The following GABRA3 variants were observed in gnomAD, a reference collection of about 807,000 sequenced individuals.
The protein encoded by GABRA3 is gamma-aminobutyric acid receptor subunit alpha-3.
GABRA3 carries 10 observed loss-of-function variants against 30.1 expected under a neutral mutation model. The observed-to-expected ratio is 0.33, with a 90% CI of 0.20 to 0.56. The LOEUF (loss-of-function observed/expected upper bound fraction) is 0.56. Ranked by LOEUF, GABRA3 falls within the 20% of genes least tolerant of loss-of-function variation. GABRA3 has a pLI of 0.89. For missense variants in GABRA3, 233 were observed against 392.0 expected, an observed-to-expected ratio of 0.59 and a Z score of 3.42; for synonymous variants, 151 against 146.8, an observed-to-expected ratio of 1.03 and a Z score of -0.21.
At chrX:152,272,534 G>A (rs5970252) in intron 4 of GABRA3, among the ~76,000 whole-genome samples, 9,232 of 111,630 alleles carry the variant, frequency 0.083, 822 homozygotes, top group African/African-American at 0.26. Context: ...TGTCTCAGAT[G>A]AGACTCTGGA....
chrX:152,195,105 T>C (rs1322119277), intron 8 of GABRA3, among the ~76,000 whole-genome samples: 1 of 112,094 alleles, frequency 8.9e-6, no homozygotes, highest in Non-Finnish European at 1.9e-5. Context: ...CTATTCTTGC[T>C]TTTTTTCTTA....
chrX:152,364,298 C>T (rs1928592907), intron 2 of GABRA3, 133 bp downstream of exon 2: 4 of 572,175 alleles, frequency 7.0e-6, no homozygotes, highest in Non-Finnish European at 2.7e-6. Context: ...TGACTTTTTT[C>T]TAAATATAAT....
At chrX:152,326,645 A>G (rs1046398148) in intron 3 of GABRA3, among the ~76,000 whole-genome samples, 2 of 111,507 alleles carry the variant, frequency 1.8e-5, no homozygotes, top group Admixed American at 1.9e-4. Flanking sequence ...TTTACAGACA[A>G]GCAAATGCTG....
intron 4 of GABRA3, among the ~76,000 whole-genome samples, chrX:152,274,969 T>C (rs1336278078): frequency 9.7e-6 from 1 of 103,220 alleles, no homozygotes; most frequent in Admixed American, 1.2e-4. Flanking sequence ...TATGGGTACA[T>C]GGAGCCCAAT....
At chrX:152,241,865 G>A (rs1603223698) in intron 5 of GABRA3, among the ~76,000 whole-genome samples, 1 of 111,591 alleles carries the variant, frequency 9.0e-6, no homozygotes, top group East Asian at 2.9e-4. Context: ...GCTTGGGCTC[G>A]CACACGGTGC....
At chrX:152,344,634 T>C (rs146521076) in intron 3 of GABRA3, among the ~76,000 whole-genome samples, 105 of 112,031 alleles carry the variant, frequency 9.4e-4, no homozygotes, top group African/African-American at 3.3e-3. Flanking sequence ...AGCAACCTGG[T>C]AAACATCTAC....
intron 9 of GABRA3, among the ~76,000 whole-genome samples, chrX:152,179,182 A>G (rs148478145): frequency 0.019 from 2,086 of 111,759 alleles, 54 homozygotes; most frequent in African/African-American, 0.064. Flanking sequence ...TAATTGACAA[A>G]TGAAATTGCA....
intron 4 of GABRA3, among the ~76,000 whole-genome samples, chrX:152,275,081 ATAAT>A (rs1939020328): frequency 1.1e-5 from 1 of 89,396 alleles, no homozygotes; most frequent in Non-Finnish European, 2.1e-5. Flanking sequence ...ATTCATATAT[ATAAT>A]AAATGTATAC....
intron 3 of GABRA3, among the ~76,000 whole-genome samples, chrX:152,317,521 A>G (rs764352899): frequency 5.2e-4 from 58 of 111,867 alleles, no homozygotes; most frequent in Non-Finnish European, 8.7e-4. Flanking sequence ...TAAACATTCT[A>G]TTTATCAGCA....
At chrX:152,198,220 T>C (rs763577951) in intron 7 of GABRA3, among the ~76,000 whole-genome samples, 2 of 111,941 alleles carry the variant, frequency 1.8e-5, no homozygotes, top group Non-Finnish European at 3.8e-5. Flanking sequence ...ATGGAGCAAC[T>C]TGCATAAGGT....
chrX:152,314,811 G>T (rs1939848056), intron 3 of GABRA3, among the ~76,000 whole-genome samples: 1 of 111,968 alleles, frequency 8.9e-6, no homozygotes, highest in South Asian at 3.7e-4. Context: ...GAAATTGTAT[G>T]ATTATTTCTT....
chrX:152,239,317 T>C (rs1938303178), intron 5 of GABRA3, among the ~76,000 whole-genome samples: 2 of 108,281 alleles, frequency 1.8e-5, no homozygotes, highest in Admixed American at 2.0e-4. Flanking sequence ...AGTGAGATTC[T>C]TAATACTGAG....
At chrX:152,398,540 C>T (rs1215102854) in intron 1 of GABRA3, among the ~76,000 whole-genome samples, 1 of 111,066 alleles carries the variant, frequency 9.0e-6, no homozygotes. Flanking sequence ...CAACCTGAGG[C>T]TCTTAGAAAA....
intron 1 of GABRA3, chrX:152,393,586 G>A (rs897245879): frequency 3.5e-6 from 1 of 282,791 alleles, no homozygotes; most frequent in Non-Finnish European, 6.9e-6. Context: ...AGATGGACAG[G>A]ACATATGAAT....
chrX:152,335,281 G>A (rs1053945564), intron 3 of GABRA3, among the ~76,000 whole-genome samples: 1 of 111,702 alleles, frequency 9.0e-6, no homozygotes, highest in Non-Finnish European at 1.9e-5. Flanking sequence ...CTCACCCCAA[G>A]AACTAGAACC....
intron 1 of GABRA3, among the ~76,000 whole-genome samples, chrX:152,428,564 C>G (rs966490803): frequency 9.0e-6 from 1 of 111,688 alleles, no homozygotes; most frequent in African/African-American, 3.3e-5. Flanking sequence ...CAGCCTCCAG[C>G]CCCCACTGAG....
chrX:152,260,798 T>C (rs774121216), intron 4 of GABRA3, among the ~76,000 whole-genome samples: 1 of 111,436 alleles, frequency 9.0e-6, no homozygotes, highest in Non-Finnish European at 1.9e-5. Context: ...GAGAAGACTA[T>C]GATAAATACC....
At chrX:152,208,346 T>C (rs2124366410) in intron 6 of GABRA3, among the ~76,000 whole-genome samples, 1 of 112,350 alleles carries the variant, frequency 8.9e-6, no homozygotes, top group South Asian at 3.7e-4. Flanking sequence ...GCTACTGTAG[T>C]ATATGCTGTG....
chrX:152,351,635 G>A (rs1940480056), intron 2 of GABRA3, among the ~76,000 whole-genome samples: 1 of 111,989 alleles, frequency 8.9e-6, no homozygotes, highest in Admixed American at 9.5e-5. Context: ...TATCATTTAT[G>A]TGCTCACTGG....
Sources: allele counts gnomAD v4.1 joint callset (sites outside exome capture counted in the v4.1 genomes callset), GRCh38; gene constraint gnomAD v4.1.1; transcripts MANE v1.5; gene names NCBI Gene and HGNC (gene_info 2026-07-23, HGNC 2026-07-21).